INSL4: variants seen among roughly 807,000 people sequenced by gnomAD.
The protein encoded by INSL4 is insulin like 4, also known as early placenta insulin-like peptide.
In INSL4, 7 loss-of-function variants were observed where a neutral mutation model predicts 6.5. That is an observed-to-expected ratio of 1.08 (90% CI 0.61 to 2.02). The LOEUF is 2.02. Ranked by LOEUF, INSL4 falls within the 30% of genes most tolerant of loss-of-function variation. The pLI is 0.00. For synonymous variants in INSL4, 82 were observed against 65.8 expected (o/e 1.25, Z -1.19); for missense variants, 226 against 163.2 (o/e 1.38, Z -2.09).
chr9:5,232,682 G>A (rs762349790), intron 1 of INSL4, among the ~76,000 whole-genome samples: 12 of 152,206 alleles, frequency 7.9e-5, no homozygotes, highest in Admixed American at 2.0e-4. Context: ...TTCGAAAAGA[G>A]ATAGAGGCTA....
intron 1 of INSL4, among the ~76,000 whole-genome samples, chr9:5,232,618 A>G (rs1266184508): frequency 6.6e-6 from 1 of 152,240 alleles, no homozygotes; most frequent in Non-Finnish European, 1.5e-5. Flanking sequence ...TTACCAAGTA[A>G]CAAGGTATTC....
Position 5,234,918 on chromosome 9 carries a change from TTG to T in INSL4, c.*1043_*1044del, listed in dbSNP as rs1826204601. 1 of 152,278 alleles carries T rather than the reference TTG, an allele frequency of 6.6e-6. No homozygotes were observed. The highest frequency in any genetic ancestry group is 1.9e-4 in the East Asian group (1 of 5,172). 9.4% of individuals were successfully genotyped at this position (152,278 alleles called of 1,614,324 possible). A position where few individuals can be genotyped will look rare whatever the true frequency, so the allele number is the denominator to read the frequency against. On this transcript the variant is annotated 3_prime_UTR_variant, in exon 2 of 2. Transcript: ENST00000239316. Reference sequence around the variant, plus strand: ...CAAAGGATAATAAGTGCAATGATACTTGTAGGTCATCATAGAGACTGTAATGA... The same window carrying T: ...CAAAGGATAATAAGTGCAATGATACTTAGGTCATCATAGAGACTGTAATGA...
Position 5,234,488 on chromosome 9 carries a change from T to C in INSL4, c.*611T>C, listed in dbSNP as rs1174036002. 1 of 153,298 alleles carries C rather than the reference T, an allele frequency of 6.5e-6. No individual in the cohort carries two copies. The highest frequency in any genetic ancestry group is 1.5e-5 in the Non-Finnish European group (1 of 68,868). The allele number at this position is 153,298 out of a possible 1,614,324, so 9.5% of individuals were successfully genotyped here. ...CTGGTGGGAGAGGTATTAGGCATGT[T>C]CACCCTAGGGTAAACCCAGAGACCT... On this transcript the variant is annotated 3_prime_UTR_variant, in exon 2 of 2. Coordinates refer to ENST00000239316, the MANE Select transcript of INSL4 (RefSeq NM_002195.2).
rs528628177 is a variant in INSL4 at position 5,233,930 on chromosome 9, A to T, written c.*53A>T. 1.7e-6 allele frequency: 2 copies of T among 1,180,166 alleles called. No homozygotes were observed. The highest frequency in any genetic ancestry group is 2.4e-5 in the East Asian group (1 of 42,202). 73.1% of individuals were successfully genotyped at this position (1,180,166 alleles called of 1,614,324 possible). Reference sequence around the variant, plus strand: ...TCCATTCTCATATGTATTCTCAATGACAAATTCACTGATGCCCAATTAAAT... The same window carrying T: ...TCCATTCTCATATGTATTCTCAATGTCAAATTCACTGATGCCCAATTAAAT... On this transcript the variant is annotated 3_prime_UTR_variant, in exon 2 of 2. Transcript: ENST00000239316.
chr9:5,235,113 C>T lies in INSL4; in HGVS notation c.*1236C>T, dbSNP rs1341284013. On this transcript the variant is annotated 3_prime_UTR_variant, in exon 2 of 2. Transcript: ENST00000239316. ...GAGTGCAAAAAGGGACAAGTAGAAG[C>T]CCAGGAAAATGCACAAAGGCCTGGA... is the stretch of plus-strand genomic sequence containing the variant. 2 of 152,700 alleles carry T rather than the reference C, an allele frequency of 1.3e-5. No individual in the cohort carries two copies. The highest frequency in any genetic ancestry group is 2.9e-5 in the Non-Finnish European group (2 of 68,036). The allele number at this position is 152,700 out of a possible 1,614,324, so 9.5% of individuals were successfully genotyped here.
At position 5,233,867 on chromosome 9, in the gene INSL4, T is replaced by G. The variant is rs1563714750; in HGVS notation, c.410T>G (p.Leu137Ter). 1.2e-6 allele frequency: 2 copies of G among 1,606,676 alleles called. No individual in the cohort carries two copies. Among genetic ancestry groups the G allele is most frequent in the Non-Finnish European group, 1.7e-6 (2 of 1,173,502 alleles). The change falls in exon 2 of 2, where the codon TTA (leucine) becomes TGA (stop). Residue 137 changes from leucine to a stop codon, truncating the protein, a stop_gained. Transcript: ENST00000239316. LOFTEE classifies it high-confidence loss of function. ...VICDDGTSVK[L>*]CT is the part of the protein sequence containing the mutation. ...TGTGACGATGGAACTTCAGTTAAAT[T>G]ATGTACATAGTAGAGTAATCATGGA...
chr9:5,233,903 C>T lies in INSL4; in HGVS notation c.*26C>T. On this transcript the variant is annotated 3_prime_UTR_variant, in exon 2 of 2. Transcript: ENST00000239316. ...TAGAGTAATCATGGACTGGACATCT[C>T]ATCCATTCTCATATGTATTCTCAAT... The T allele has an allele frequency of 7.0e-7, 1 of 1,421,534 alleles. No individual in the cohort carries two copies. The allele number at this position is 1,421,534 out of a possible 1,614,324, so 88.1% of individuals were successfully genotyped here.
At position 5,233,887 on chromosome 9, in the gene INSL4, C is replaced by T. The variant is rs201506519; in HGVS notation, c.*10C>T. On this transcript the variant is annotated 3_prime_UTR_variant, in exon 2 of 2. Transcript: ENST00000239316. ...TAAATTATGTACATAGTAGAGTAAT[C>T]ATGGACTGGACATCTCATCCATTCT... 10 of 1,554,908 alleles carry T rather than the reference C, an allele frequency of 6.4e-6. No individual in the cohort carries two copies. Among genetic ancestry groups the T allele is most frequent in the Non-Finnish European group, 8.9e-6 (10 of 1,126,702 alleles).
chr9:5,233,498 G>T (rs1267907212), intron 1 of INSL4, among the ~76,000 whole-genome samples, 156 bp from the exon 2 acceptor site: 2 of 152,142 alleles, frequency 1.3e-5, no homozygotes, highest in Non-Finnish European at 2.9e-5. Context: ...AGTAAGCTAA[G>T]TTGTTGAAAT....
chr9:5,233,917 T>C lies in INSL4; in HGVS notation c.*40T>C. The C allele has an allele frequency of 7.4e-7, 1 of 1,354,278 alleles. No homozygotes were observed. Among genetic ancestry groups the C allele is most frequent in the Non-Finnish European group, 1.1e-6 (1 of 948,492 alleles). The allele number at this position is 1,354,278 out of a possible 1,614,324, so 83.9% of individuals were successfully genotyped here. A position where few individuals can be genotyped will look rare whatever the true frequency, so the allele number is the denominator to read the frequency against. On this transcript the variant is annotated 3_prime_UTR_variant, in exon 2 of 2. Coordinates refer to ENST00000239316, the MANE Select transcript of INSL4 (RefSeq NM_002195.2). ...ACTGGACATCTCATCCATTCTCATA[T>C]GTATTCTCAATGACAAATTCACTGA...
Position 5,234,627 on chromosome 9 carries a change from C to T in INSL4, c.*750C>T, listed in dbSNP as rs922441537. On this transcript the variant is annotated 3_prime_UTR_variant, in exon 2 of 2. Coordinates refer to ENST00000239316, the MANE Select transcript of INSL4 (RefSeq NM_002195.2). ...TCCCTGGCATTACTCCACATCCCCT[C>T]ATCAAAGTGGTGAATTGGCACAAAT... 1 of 152,568 alleles carries T rather than the reference C, an allele frequency of 6.6e-6. No individual in the cohort carries two copies. Among genetic ancestry groups the T allele is most frequent in the Non-Finnish European group, 1.5e-5 (1 of 68,118 alleles). 9.5% of individuals were successfully genotyped at this position (152,568 alleles called of 1,614,324 possible). A position where few individuals can be genotyped will look rare whatever the true frequency, so the allele number is the denominator to read the frequency against.
chr9:5,233,106 C>A (rs971256322), intron 1 of INSL4, among the ~76,000 whole-genome samples: 2 of 152,034 alleles, frequency 1.3e-5, no homozygotes, highest in Non-Finnish European at 2.9e-5. Flanking sequence ...CATTTAAATA[C>A]TTTGACAAAT....
rs201561413 is a variant in INSL4 at position 5,231,477 on chromosome 9, C to T, written c.-47C>T. The stretch of plus-strand genomic sequence containing the variant: ...TCTGGTAGGCTACAGCAGCAAGTCT[C>T]TAAAGAAAGGCTGAGAACACCCAGA... On this transcript the variant is annotated 5_prime_UTR_variant, in exon 1 of 2. Coordinates refer to ENST00000239316, the MANE Select transcript of INSL4 (RefSeq NM_002195.2). 1.3e-6 allele frequency: 2 copies of T among 1,576,074 alleles called. No homozygotes were observed. Among genetic ancestry groups the T allele is most frequent in the East Asian group, 4.5e-5 (2 of 44,432 alleles).
Position 5,234,085 on chromosome 9 carries a change from T to G in INSL4, c.*208T>G, listed in dbSNP as rs1298796198. The G allele has an allele frequency of 5.7e-6, 3 of 523,948 alleles. No homozygotes were observed. The highest frequency in any genetic ancestry group is 1.0e-5 in the Non-Finnish European group (3 of 293,716). 32.5% of individuals were successfully genotyped at this position (523,948 alleles called of 1,614,324 possible). The stretch of plus-strand genomic sequence containing the variant: ...TAAGTTCTAGTAGTTGATAGTACAA[T>G]GGGGAAATTATACTTAACAATAATT... On this transcript the variant is annotated 3_prime_UTR_variant, in exon 2 of 2. Coordinates refer to ENST00000239316, the MANE Select transcript of INSL4 (RefSeq NM_002195.2).
chr9:5,231,713 C>A lies in INSL4; in HGVS notation c.190C>A (p.Pro64Thr), dbSNP rs181295064. The part of the protein sequence containing the change: ...PGGWLLESGR[P>T]KEMVSTSNNK... ...AGGGTGGCTGCTGGAATCTGGACGT[C>A]CCAAAGGTGAGAGCCCTGGACTACC... Residue 64 changes from proline to threonine, a missense_variant, in exon 1 of 2, where the codon CCC becomes ACC. Coordinates refer to ENST00000239316, the MANE Select transcript of INSL4 (RefSeq NM_002195.2). The A allele has an allele frequency of 9.9e-6, 16 of 1,613,390 alleles. No individual in the cohort carries two copies. Among genetic ancestry groups the A allele is most frequent in the Non-Finnish European group, 1.3e-5 (15 of 1,179,594 alleles).
In INSL4 at chr9:5,234,089, G is replaced by A. The variant is rs573265985; in HGVS notation, c.*212G>A. 5.9e-6 allele frequency: 3 copies of A among 504,288 alleles called. No homozygotes were observed. The highest frequency in any genetic ancestry group is 3.6e-5 in the Admixed American group (1 of 27,830). The allele number at this position is 504,288 out of a possible 1,614,324, so 31.2% of individuals were successfully genotyped here. On this transcript the variant is annotated 3_prime_UTR_variant, in exon 2 of 2. Transcript: ENST00000239316. ...TTCTAGTAGTTGATAGTACAATGGGGAAATTATACTTAACAATAATTCACT... is the reference window on the plus strand; with the variant it reads ...TTCTAGTAGTTGATAGTACAATGGGAAAATTATACTTAACAATAATTCACT...
rs1473011187 is a variant in INSL4 at position 5,231,501 on chromosome 9, G to A, written c.-23G>A. On this transcript the variant is annotated 5_prime_UTR_variant, in exon 1 of 2. Coordinates refer to ENST00000239316, the MANE Select transcript of INSL4 (RefSeq NM_002195.2). ...TCTAAAGAAAGGCTGAGAACACCCA[G>A]AACAGGAGAGTTCAGGTCCAGGATG... is the stretch of plus-strand genomic sequence containing the variant. 1.9e-6 allele frequency: 3 copies of A among 1,607,660 alleles called. No individual in the cohort carries two copies. Among genetic ancestry groups the A allele is most frequent in the Non-Finnish European group, 2.5e-6 (3 of 1,177,220 alleles).
chr9:5,234,906 G>A lies in INSL4; in HGVS notation c.*1029G>A, dbSNP rs1306457120. ...GACATGGAGAAGCAAAGGATAATAA[G>A]TGCAATGATACTTGTAGGTCATCAT... On this transcript the variant is annotated 3_prime_UTR_variant, in exon 2 of 2. Transcript: ENST00000239316. 1 of 152,062 alleles carries A rather than the reference G, an allele frequency of 6.6e-6. No individual in the cohort carries two copies. Among genetic ancestry groups the A allele is most frequent in the Non-Finnish European group, 1.5e-5 (1 of 68,040 alleles). The allele number at this position is 152,062 out of a possible 1,614,324, so 9.4% of individuals were successfully genotyped here. A position where few individuals can be genotyped will look rare whatever the true frequency, so the allele number is the denominator to read the frequency against.
Position 5,234,392 on chromosome 9 carries a change from G to A in INSL4, c.*515G>A, listed in dbSNP as rs1466009895. The A allele has an allele frequency of 6.4e-6, 1 of 156,940 alleles. No homozygotes were observed. The allele number at this position is 156,940 out of a possible 1,614,324, so 9.7% of individuals were successfully genotyped here. Reference sequence around the variant, plus strand: ...TTCCTCTTTTCACACTAGAAGAAATGTAAGAGATAAAGGATCTAACCATCT... The same window carrying A: ...TTCCTCTTTTCACACTAGAAGAAATATAAGAGATAAAGGATCTAACCATCT... On this transcript the variant is annotated 3_prime_UTR_variant, in exon 2 of 2. Transcript: ENST00000239316.
Sources: allele counts gnomAD v4.1 joint callset (sites outside exome capture counted in the v4.1 genomes callset), GRCh38; gene constraint gnomAD v4.1.1; transcripts MANE v1.5; gene names NCBI Gene and HGNC (gene_info 2026-07-23, HGNC 2026-07-21).